The following MED12L variants were observed in gnomAD, a reference collection of about 807,000 sequenced individuals.
MED12L encodes mediator complex subunit 12L.
MED12L carries 60 observed loss-of-function variants against 281.3 expected under a neutral mutation model. The observed-to-expected ratio is 0.21, with a 90% CI of 0.17 to 0.26. The LOEUF is 0.26. MED12L is among the 10% of genes least tolerant of loss of function. MED12L has a pLI of 1.00. For missense variants in MED12L, 2,146 were observed against 2,680.9 expected (o/e 0.80, Z 4.41); for synonymous variants, 974 against 987.2 (o/e 0.99, Z 0.25).
chr3:151,319,702 A>G (rs1162082095), intron 16 of MED12L, among the ~76,000 whole-genome samples: 2 of 152,182 alleles, frequency 1.3e-5, no homozygotes, highest in African/African-American at 2.4e-5. Context: ...TACTGACGAC[A>G]GTAAAATGTC....
chr3:151,119,945 G>T (rs897131172), intron 3 of MED12L, among the ~76,000 whole-genome samples: 2 of 151,824 alleles, frequency 1.3e-5, no homozygotes, highest in East Asian at 3.9e-4. Flanking sequence ...CTGGCCGTGT[G>T]TGGTGGCTCA....
intron 16 of MED12L, among the ~76,000 whole-genome samples, chr3:151,343,162 AC>A (rs1427215434): frequency 1.3e-5 from 2 of 151,808 alleles, no homozygotes; most frequent in African/African-American, 4.8e-5. Flanking sequence ...TAAGGACCAT[AC>A]TCTCCTTTAC....
chr3:151,114,212 A>C (rs1018944650), intron 2 of MED12L, among the ~76,000 whole-genome samples: 1 of 152,188 alleles, frequency 6.6e-6, no homozygotes, highest in East Asian at 1.9e-4. Flanking sequence ...GTTTGGAGAT[A>C]TCTTCTGATA....
chr3:151,185,928 G>T (rs1293069835), intron 12 of MED12L, among the ~76,000 whole-genome samples: 1 of 152,056 alleles, frequency 6.6e-6, no homozygotes, highest in Non-Finnish European at 1.5e-5. Flanking sequence ...ATTGAAATAT[G>T]CGTACACAAA....
intron 2 of MED12L, among the ~76,000 whole-genome samples, chr3:151,107,107 T>C (rs63495061): frequency 1.4e-5 from 2 of 141,610 alleles, no homozygotes; most frequent in African/African-American, 5.5e-5. Flanking sequence ...TTTTTTTTTT[T>C]GGATTATTAG....
intron 16 of MED12L, among the ~76,000 whole-genome samples, chr3:151,229,305 C>CTTTTTT (rs35097589): frequency 1.8e-5 from 2 of 112,516 alleles, no homozygotes; most frequent in African/African-American, 3.7e-5. Context: ...TTCAGCAATT[C>CTTTTTT]TTTTTTTTTT....
intron 16 of MED12L, among the ~76,000 whole-genome samples, chr3:151,296,762 G>C (rs1035426056): frequency 1.3e-5 from 2 of 151,972 alleles, no homozygotes; most frequent in Non-Finnish European, 2.9e-5. Flanking sequence ...CCTTTTGGAG[G>C]TAAGGTTAGA....
chr3:151,311,943 G>A (rs1051317665), intron 16 of MED12L, among the ~76,000 whole-genome samples: 29 of 152,004 alleles, frequency 1.9e-4, no homozygotes, highest in Admixed American at 1.7e-3. Context: ...AGAATTGTTC[G>A]AACCTGGGAG....
At position 151,411,523 on chromosome 3, in the gene MED12L, A is replaced by G. The variant is rs1432496316; in HGVS notation, c.6140+16A>G. The stretch of plus-strand genomic sequence containing the variant: ...GCTCTCAGAGGTGATACATGTGGAA[A>G]TGATGATGGCAATAATGAACAGTCA... On this transcript the variant is annotated intron_variant, in intron 41 of 44. Coordinates refer to ENST00000687756, the MANE Select transcript of MED12L (RefSeq NM_001393769.1). 6.2e-7 allele frequency: 1 copy of G among 1,605,494 alleles called. No homozygotes were observed. The highest frequency in any genetic ancestry group is 1.7e-5 in the Admixed American group (1 of 60,010).
chr3:151,125,803 A>C (rs1714424094), intron 4 of MED12L, among the ~76,000 whole-genome samples: 1 of 152,146 alleles, frequency 6.6e-6, no homozygotes, highest in Non-Finnish European at 1.5e-5. Context: ...ATTTTCAGGA[A>C]ATGTTCCTGT....
chr3:151,146,249 TC>T (rs1178699034), intron 5 of MED12L, among the ~76,000 whole-genome samples: 1 of 152,182 alleles, frequency 6.6e-6, no homozygotes. Flanking sequence ...CTGGGGACCT[TC>T]CTGCGCCTCA....
At chr3:151,131,869 A>G (rs1036847929) in intron 5 of MED12L, among the ~76,000 whole-genome samples, 1 of 152,098 alleles carries the variant, frequency 6.6e-6, no homozygotes, top group South Asian at 2.1e-4. Flanking sequence ...TTTTCTCCCC[A>G]CCAAAAAGTT....
At chr3:151,348,340 C>CAAAAAAAAAAAAAAAAAA (rs11382065) in intron 16 of MED12L, among the ~76,000 whole-genome samples, 4 of 87,816 alleles carry the variant, frequency 4.6e-5, no homozygotes, top group African/African-American at 1.3e-4. Context: ...ACCACCAGAC[C>CAAAAAAAAAAAAAAAAAA]AAAAAAAAAA....
intron 21 of MED12L, among the ~76,000 whole-genome samples, chr3:151,361,944 C>T (rs1365735812): frequency 6.6e-6 from 1 of 152,006 alleles, no homozygotes; most frequent in Non-Finnish European, 1.5e-5. Context: ...CAATTATTTA[C>T]TATAGATGGG....
intron 16 of MED12L, among the ~76,000 whole-genome samples, chr3:151,293,378 C>G (rs368520908): frequency 6.6e-6 from 1 of 152,124 alleles, no homozygotes; most frequent in Non-Finnish European, 1.5e-5. Context: ...GCGTCTCCCA[C>G]GAGGCATTTA....
intron 13 of MED12L, 125 bp downstream of exon 13, chr3:151,188,605 C>CATTATACA: frequency 1.1e-6 from 1 of 945,200 alleles, no homozygotes; most frequent in South Asian, 2.4e-5. Flanking sequence ...GTATGTTTTA[C>CATTATACA]TGAGCAAAAT....
chr3:151,320,966 T>A (rs1191348851), intron 16 of MED12L, among the ~76,000 whole-genome samples: 1 of 152,232 alleles, frequency 6.6e-6, no homozygotes, highest in Admixed American at 6.5e-5. Context: ...GGTAATCTAT[T>A]CAGGATAAAT....
In MED12L at chr3:151,435,909, TC is replaced by T. The variant is rs762569531; in HGVS notation, c.*3107del. The T allele has an allele frequency of 2.6e-5, 4 of 152,194 alleles. No homozygotes were observed. The highest frequency in any genetic ancestry group is 5.9e-5 in the Non-Finnish European group (4 of 68,022). The allele number at this position is 152,194 out of a possible 1,614,324, so 9.4% of individuals were successfully genotyped here. Reference sequence around the variant, plus strand: ...AATGAAATGCTTATAGAGCAACGATTCCTGCTCAGAAAAATTTCCTTATAAA... The same window carrying T: ...AATGAAATGCTTATAGAGCAACGATTCTGCTCAGAAAAATTTCCTTATAAA... On this transcript the variant is annotated 3_prime_UTR_variant, in exon 45 of 45. Transcript: ENST00000687756.
rs768037920 is a variant in MED12L at position 151,328,336 on chromosome 3, T to C, written c.2251-21723T>C. The C allele has an allele frequency of 8.1e-6, 13 of 1,613,018 alleles. No homozygotes were observed. In the Admixed American group the frequency reaches 1.8e-4, roughly 23 times the overall value. On this transcript the variant is annotated intron_variant, in intron 16 of 44. Transcript: ENST00000687756. ...TTTTTCTGTCCTTACTTTTGGACTT[T>C]CTATAAGAATCATATACTTTTTTTG...
Sources: gnomAD v4.1 joint callset for allele counts (sites outside exome capture counted in the v4.1 genomes callset) on GRCh38, gnomAD v4.1.1 for gene constraint, MANE v1.5 for transcripts, NCBI Gene and HGNC (gene_info 2026-07-23, HGNC 2026-07-21) for gene names.